Variants in ZKSCAN1 observed in about 807,000 individuals in gnomAD.
ZKSCAN1 encodes the protein zinc finger with KRAB and SCAN domains 1.
A neutral mutation model predicts 51.6 loss-of-function variants in ZKSCAN1; 14 were observed. That is an observed-to-expected ratio of 0.27 (90% CI 0.18 to 0.42). The LOEUF (loss-of-function observed/expected upper bound fraction) is 0.42. ZKSCAN1 is among the 10% of genes least tolerant of loss of function. ZKSCAN1 has a pLI of 1.00. For missense variants in ZKSCAN1, 531 were observed against 710.0 expected (o/e 0.75, Z 2.86); for synonymous variants, 263 against 261.5 (o/e 1.01, Z -0.06).
At chr7:100,026,910 A>T (rs1790860673) in intron 3 of ZKSCAN1, among the ~76,000 whole-genome samples, 1 of 151,784 alleles carries the variant, frequency 6.6e-6, no homozygotes, top group Non-Finnish European at 1.5e-5. Flanking sequence ...TTTTCTAGTT[A>T]AAAAAATTTT....
chr7:100,024,275 C>G lies in ZKSCAN1; in HGVS notation c.548C>G (p.Ser183Trp). The G allele has an allele frequency of 6.2e-7, 1 of 1,613,994 alleles. No individual in the cohort carries two copies. ...HEATQSHFKH[S>W]SRKPRLLQSR... ...GCCACCCAGTCCCACTTCAAACATT[C>G]GTCTCGGAAACCCCGCCTCTTACAG... Residue 183 changes from serine to tryptophan, a missense_variant, in exon 3 of 6, where the codon TCG becomes TGG. Transcript: ENST00000324306.
chr7:100,043,996 C>G (rs1018349647), downstream of ZKSCAN1, among the ~76,000 whole-genome samples: 1 of 151,734 alleles, frequency 6.6e-6, no homozygotes, highest in Non-Finnish European at 1.5e-5. Flanking sequence ...AGGCTGGTCT[C>G]GAACTCCTGA....
At chr7:100,027,078 C>G (rs1311609529) in intron 3 of ZKSCAN1, among the ~76,000 whole-genome samples, 1 of 152,160 alleles carries the variant, frequency 6.6e-6, no homozygotes, top group Non-Finnish European at 1.5e-5. Flanking sequence ...GGGCAAATCA[C>G]TTGAGGTCAG....
rs1562832831 is a variant in ZKSCAN1 at position 100,037,884 on chromosome 7, G to C, written c.*3687G>C. On this transcript the variant is annotated 3_prime_UTR_variant, in exon 6 of 6. Transcript: ENST00000324306. ...TACAAAAAAAAATTAGCTGGGCACA[G>C]TGGCGCACGCCTGTAGTCCCAGCTA... 1.5e-6 allele frequency: 1 copy of C among 648,484 alleles called. No individual in the cohort carries two copies. Among genetic ancestry groups the C allele is most frequent in the Non-Finnish European group, 1.9e-6 (1 of 523,030 alleles). 40.2% of individuals were successfully genotyped at this position (648,484 alleles called of 1,614,324 possible).
intron 1 of ZKSCAN1, among the ~76,000 whole-genome samples, chr7:100,018,482 G>C (rs1389235935): frequency 6.6e-6 from 1 of 151,170 alleles, no homozygotes; most frequent in African/African-American, 2.4e-5. Flanking sequence ...GCAGCCTCCC[G>C]GGTTCACGCC....
chr7:100,037,828 C>T lies in ZKSCAN1; in HGVS notation c.*3631C>T, dbSNP rs960141257. 2 of 731,820 alleles carry T rather than the reference C, an allele frequency of 2.7e-6. No homozygotes were observed. Among genetic ancestry groups the T allele is most frequent in the Non-Finnish European group, 1.7e-6 (1 of 599,160 alleles). The allele number at this position is 731,820 out of a possible 1,614,324, so 45.3% of individuals were successfully genotyped here. On this transcript the variant is annotated 3_prime_UTR_variant, in exon 6 of 6. Transcript: ENST00000324306. ...GTCAGTAGTTCGAGACCAGCCTGGC[C>T]AACATGGTGAAACCTTGTCTCTACT...
intron 3 of ZKSCAN1, among the ~76,000 whole-genome samples, chr7:100,028,693 G>T (rs1458021250): frequency 6.6e-6 from 1 of 150,530 alleles, no homozygotes; most frequent in African/African-American, 2.4e-5. Flanking sequence ...TAATTGTTAT[G>T]CATCACAGTT....
intron 1 of ZKSCAN1, among the ~76,000 whole-genome samples, chr7:100,019,980 G>C (rs1343454198): frequency 6.6e-6 from 1 of 152,260 alleles, no homozygotes; most frequent in Non-Finnish European, 1.5e-5. Context: ...TGGGATGACA[G>C]GCATGAGCCG....
rs558234433 is a variant in ZKSCAN1 at position 100,040,674 on chromosome 7, G to A, written c.*6477G>A. On this transcript the variant is annotated 3_prime_UTR_variant, in exon 6 of 6. Transcript: ENST00000324306. ...GGAGAAGGGGGAAGAGGACGGTAAC[G>A]GCCCCACACTCCAGGCTGAGAAAGA... The A allele has an allele frequency of 4.5e-5, 44 of 985,438 alleles. No individual in the cohort carries two copies. Among genetic ancestry groups the A allele is most frequent in the Non-Finnish European group, 5.1e-5 (42 of 829,964 alleles). 61.0% of individuals were successfully genotyped at this position (985,438 alleles called of 1,614,324 possible). A position where few individuals can be genotyped will look rare whatever the true frequency, so the allele number is the denominator to read the frequency against.
rs1271571112 is a variant in ZKSCAN1 at position 100,037,352 on chromosome 7, C to G, written c.*3155C>G. On this transcript the variant is annotated 3_prime_UTR_variant, in exon 6 of 6. Coordinates refer to ENST00000324306, the MANE Select transcript of ZKSCAN1 (RefSeq NM_003439.4). ...AGGTTGTGGGGTATTTGTTTCTACT[C>G]CAGCCTGGCAGGCAAGGCTAAAACC... 2.0e-6 allele frequency: 2 copies of G among 985,420 alleles called. No homozygotes were observed. The highest frequency in any genetic ancestry group is 2.4e-6 in the Non-Finnish European group (2 of 829,932). The allele number at this position is 985,420 out of a possible 1,614,324, so 61.0% of individuals were successfully genotyped here. A position where few individuals can be genotyped will look rare whatever the true frequency, so the allele number is the denominator to read the frequency against.
downstream of ZKSCAN1, chr7:100,044,961 G>T: frequency 1.0e-6 from 1 of 985,336 alleles, no homozygotes; most frequent in South Asian, 4.7e-5. Context: ...TGATGAGAAC[G>T]AGCGAGGAAG....
intron 1 of ZKSCAN1, among the ~76,000 whole-genome samples, chr7:100,021,884 G>T (rs994562190): frequency 6.6e-6 from 1 of 151,718 alleles, no homozygotes; most frequent in African/African-American, 2.4e-5. Flanking sequence ...AGCTGTGACT[G>T]CAGACACAGT....
intron 1 of ZKSCAN1, among the ~76,000 whole-genome samples, chr7:100,018,582 G>C (rs1790472242): frequency 6.6e-6 from 1 of 152,000 alleles, no homozygotes; most frequent in Non-Finnish European, 1.5e-5. Context: ...TAGAGACGGG[G>C]TTTCATCGTG....
intron 1 of ZKSCAN1, among the ~76,000 whole-genome samples, chr7:100,023,213 G>A (rs1790664134): frequency 1.3e-5 from 2 of 152,058 alleles, no homozygotes; most frequent in South Asian, 2.1e-4. Flanking sequence ...GTTTCACCAT[G>A]TTGGCCAGGC....
chr7:100,016,090 C>A (rs1203073064), intron 1 of ZKSCAN1, among the ~76,000 whole-genome samples: 7 of 152,202 alleles, frequency 4.6e-5, no homozygotes, highest in African/African-American at 1.7e-4. Context: ...TTTTTCTGCT[C>A]TCCCTTAGTC....
intron 3 of ZKSCAN1, among the ~76,000 whole-genome samples, chr7:100,028,738 T>C (rs1025186233): frequency 2.0e-5 from 3 of 150,766 alleles, no homozygotes; most frequent in African/African-American, 7.3e-5. Flanking sequence ...GCATGTCTTT[T>C]GTTGTGTGTC....
Position 100,038,036 on chromosome 7 carries a change from C to T in ZKSCAN1, c.*3839C>T, listed in dbSNP as rs1000630702. On this transcript the variant is annotated 3_prime_UTR_variant, in exon 6 of 6. Coordinates refer to ENST00000324306, the MANE Select transcript of ZKSCAN1 (RefSeq NM_003439.4). ...GGCTCTGTATCAAAAAAAAAAGTTG[C>T]GGGGGGGTGCTCAATCTTAACTGCA... The T allele has an allele frequency of 1.9e-4, 186 of 984,156 alleles. No homozygotes were observed. The highest frequency in any genetic ancestry group is 2.1e-4 in the Non-Finnish European group (177 of 829,672). 61.0% of individuals were successfully genotyped at this position (984,156 alleles called of 1,614,324 possible). A position where few individuals can be genotyped will look rare whatever the true frequency, so the allele number is the denominator to read the frequency against.
intron 3 of ZKSCAN1, among the ~76,000 whole-genome samples, chr7:100,025,298 G>A (rs192822597): frequency 1.1e-3 from 164 of 148,176 alleles, no homozygotes; most frequent in African/African-American, 3.8e-3. Context: ...CTGCAGCCTG[G>A]GTGACAGAGA....
At chr7:100,021,029 C>A (rs534502110) in intron 1 of ZKSCAN1, among the ~76,000 whole-genome samples, 1 of 147,742 alleles carries the variant, frequency 6.8e-6, no homozygotes, top group African/African-American at 2.5e-5. Context: ...ATATTTTTAA[C>A]AAATAGGCTT....
Sources: gnomAD v4.1 joint callset for allele counts (sites outside exome capture counted in the v4.1 genomes callset) on GRCh38, gnomAD v4.1.1 for gene constraint, MANE v1.5 for transcripts, NCBI Gene and HGNC (gene_info 2026-07-23, HGNC 2026-07-21) for gene names.